The following RNF10 variants were observed in gnomAD, a reference collection of about 807,000 sequenced individuals.
The protein encoded by RNF10 is E3 ubiquitin-protein ligase RNF10.
In RNF10, 38 loss-of-function variants were observed where a neutral mutation model predicts 91.4. The observed-to-expected ratio is 0.42, with a 90% CI of 0.32 to 0.54. The LOEUF (loss-of-function observed/expected upper bound fraction) is 0.54, where lower values mean the gene tolerates loss of function less well. RNF10 is among the 20% of genes least tolerant of loss of function. The pLI is 0.16. For synonymous variants in RNF10, 364 were observed against 366.3 expected, an observed-to-expected ratio of 0.99 and a Z score of 0.07; for missense variants, 945 against 1,012.0, an observed-to-expected ratio of 0.93 and a Z score of 0.90.
At chr12:120,572,143 T>C (rs1484299381) in intron 14 of RNF10, among the ~76,000 whole-genome samples, 1 of 151,852 alleles carries the variant, frequency 6.6e-6, no homozygotes, top group Non-Finnish European at 1.5e-5. Flanking sequence ...CTTGGCTTGC[T>C]GTAAGCTCCG....
chr12:120,553,022 A>T (rs1873353677), intron 3 of RNF10, among the ~76,000 whole-genome samples: 1 of 134,628 alleles, frequency 7.4e-6, no homozygotes, highest in African/African-American at 2.8e-5. Context: ...CCTCTCCTTT[A>T]TAAGGAAGAG....
intron 2 of RNF10, among the ~76,000 whole-genome samples, chr12:120,551,288 GTGTTTTTTTT>G (rs1182092014): frequency 1.1e-5 from 1 of 87,444 alleles, no homozygotes; most frequent in Non-Finnish European, 2.3e-5. Flanking sequence ...GCCCATCCTA[GTGTTTTTTTT>G]TTTTTTTTTT....
rs578039922 is a variant in RNF10 at position 120,546,491 on chromosome 12, C to T, written c.244C>T (p.Arg82Cys). 52 of 1,614,048 alleles carry T rather than the reference C, an allele frequency of 3.2e-5. No homozygotes were observed. Among genetic ancestry groups the T allele is most frequent in the Admixed American group, 1.0e-4 (6 of 59,986 alleles). The change falls in exon 2 of 17, where the codon CGT becomes TGT. Residue 82 changes from arginine to cysteine, a missense_variant. By Grantham distance (180) the Arg-to-Cys change is radical. Coordinates refer to ENST00000325954, the MANE Select transcript of RNF10 (RefSeq NM_014868.5). Reference sequence around the variant, plus strand: ...AAATGAAAGTTTTAACAACCAGTCCCGTCGCTCCAGTTCACAGAAAAGCAA... The same window carrying T: ...AAATGAAAGTTTTAACAACCAGTCCTGTCGCTCCAGTTCACAGAAAAGCAA... ...PKNESFNNQS[R>C]RSSSQKSKTF...
intron 1 of RNF10, among the ~76,000 whole-genome samples, chr12:120,540,268 C>A (rs1871360711): frequency 6.6e-6 from 1 of 151,794 alleles, no homozygotes; most frequent in South Asian, 2.1e-4. Context: ...TGGCCTTTTT[C>A]TGATTCTTTA....
intron 6 of RNF10, among the ~76,000 whole-genome samples, chr12:120,558,225 A>G (rs888122003): frequency 3.3e-5 from 5 of 152,218 alleles, no homozygotes; most frequent in African/African-American, 1.2e-4. Flanking sequence ...CATTCATGAA[A>G]TTAATTCCAG....
intron 1 of RNF10, among the ~76,000 whole-genome samples, chr12:120,535,716 C>T (rs1271446806): frequency 1.3e-5 from 2 of 152,230 alleles, no homozygotes; most frequent in African/African-American, 2.4e-5. Flanking sequence ...ATAGGATTGT[C>T]CTTTAACAGG....
intron 6 of RNF10, among the ~76,000 whole-genome samples, chr12:120,560,146 TTTTTTTTG>T (rs1874627202): frequency 1.2e-5 from 1 of 85,324 alleles, no homozygotes; most frequent in Non-Finnish European, 2.3e-5. Context: ...CTGTGTGTGG[TTTTTTTTG>T]TTTTTTTTTT....
chr12:120,576,873 G>A lies in RNF10; in HGVS notation c.*207G>A. The A allele has an allele frequency of 3.5e-6, 2 of 568,764 alleles. No individual in the cohort carries two copies. Among genetic ancestry groups the A allele is most frequent in the Non-Finnish European group, 6.0e-6 (2 of 335,586 alleles). 35.2% of individuals were successfully genotyped at this position (568,764 alleles called of 1,614,324 possible). ...CTTCCTGTCTTTACACCAAAATAAAGTATTGACACAAGAGATCTCTTCCTG... is the reference window on the plus strand; with the variant it reads ...CTTCCTGTCTTTACACCAAAATAAAATATTGACACAAGAGATCTCTTCCTG... On this transcript the variant is annotated 3_prime_UTR_variant, in exon 17 of 17. Transcript: ENST00000325954.
intron 4 of RNF10, among the ~76,000 whole-genome samples, chr12:120,556,480 G>A (rs1357128174): frequency 5.5e-5 from 7 of 127,492 alleles, no homozygotes; most frequent in South Asian, 2.6e-4. Flanking sequence ...GCAGTGAGCC[G>A]AGATGGCGCC....
At chr12:120,575,424 T>A in intron 14 of RNF10, 1 of 589,852 alleles carries the variant, frequency 1.7e-6, no homozygotes, top group Non-Finnish European at 3.0e-6. Flanking sequence ...GCTTATGGTT[T>A]ACTACCTTGT....
chr12:120,548,387 C>T (rs951403735), intron 2 of RNF10, among the ~76,000 whole-genome samples: 1 of 152,026 alleles, frequency 6.6e-6, no homozygotes, highest in Non-Finnish European at 1.5e-5. Flanking sequence ...GGATAAGAAA[C>T]CAGCAGAAGA....
intron 12 of RNF10, 29 bp downstream of exon 12, chr12:120,565,558 A>G: frequency 6.3e-7 from 1 of 1,578,394 alleles, no homozygotes; most frequent in Non-Finnish European, 8.7e-7. Context: ...ATCTTTGACT[A>G]GCACTGCTGT....
Position 120,552,607 on chromosome 12 carries a change from G to T in RNF10, c.463G>T (p.Gly155Cys), listed in dbSNP as rs753972908. ...NFTFEPRGQT[G>C]HFEGSGHGSW... ...CACTTTTGAACCCCGTGGCCAGACG[G>T]GTCACTTTGAAGGCAGTGGACATGG... Residue 155 changes from glycine (G) to cysteine (C), a missense_variant, in exon 3 of 17, where the codon GGT becomes TGT. Coordinates refer to ENST00000325954, the MANE Select transcript of RNF10 (RefSeq NM_014868.5). The T allele has an allele frequency of 6.2e-7, 1 of 1,614,104 alleles. No homozygotes were observed.
chr12:120,563,406 C>A lies in RNF10; in HGVS notation c.1314C>A (p.Asp438Glu), dbSNP rs1174783698. ...AAACCACGGAAGTTTGTTCTCTGGACACTCCTTCTAGACCTCTTGCTCTCC... is the reference window on the plus strand; with the variant it reads ...AAACCACGGAAGTTTGTTCTCTGGAAACTCCTTCTAGACCTCTTGCTCTCC... ...DEETTEVCSL[D>E]TPSRPLALPL... The change falls in exon 9 of 17, where the codon GAC becomes GAA. Residue 438 changes from aspartate (D) to glutamate (E), a missense_variant. Coordinates refer to ENST00000325954, the MANE Select transcript of RNF10 (RefSeq NM_014868.5). 6.2e-7 allele frequency: 1 copy of A among 1,614,058 alleles called. No homozygotes were observed. The highest frequency in any genetic ancestry group is 2.2e-5 in the East Asian group (1 of 44,886).
intron 1 of RNF10, among the ~76,000 whole-genome samples, chr12:120,540,903 G>A (rs1453705248): frequency 1.3e-5 from 2 of 151,040 alleles, no homozygotes; most frequent in Non-Finnish European, 2.9e-5. Flanking sequence ...TGCCCAGGCT[G>A]GAGTGTAGTG....
chr12:120,564,473 A>C (rs547051159), intron 10 of RNF10, among the ~76,000 whole-genome samples: 121 of 152,266 alleles, frequency 7.9e-4, no homozygotes, highest in African/African-American at 2.8e-3. Context: ...ATACAAAAAA[A>C]AATTAGCTGG....
At chr12:120,567,883 A>ATG (rs1436107296) in intron 13 of RNF10, among the ~76,000 whole-genome samples, 1 of 150,636 alleles carries the variant, frequency 6.6e-6, no homozygotes, top group African/African-American at 2.5e-5. Context: ...GTGTGTGTGT[A>ATG]TGTATATATA....
At chr12:120,538,397 C>T (rs1351137858) in intron 1 of RNF10, among the ~76,000 whole-genome samples, 1 of 152,164 alleles carries the variant, frequency 6.6e-6, no homozygotes, top group East Asian at 1.9e-4. Context: ...CATTTGTACA[C>T]AGGAAATATG....
chr12:120,546,557 A>G lies in RNF10; in HGVS notation c.310A>G (p.Ser104Gly), dbSNP rs1182035683. Reference protein sequence around the residue: ...KMPPQRGGGSSKLFSSSFNGG... With the variant: ...KMPPQRGGGSGKLFSSSFNGG... Reference sequence around the variant, plus strand: ...GCCTCCTCAAAGGGGCGGCGGCAGCAGCAAACTCTTTAGCTCTTCTTTTAA... The same window carrying G: ...GCCTCCTCAAAGGGGCGGCGGCAGCGGCAAACTCTTTAGCTCTTCTTTTAA... The change falls in exon 2 of 17, where the codon AGC (serine) becomes GGC (glycine). Residue 104 changes from serine (S) to glycine (G), a missense_variant. Transcript: ENST00000325954. The G allele has an allele frequency of 6.2e-7, 1 of 1,614,046 alleles. No individual in the cohort carries two copies.
Sources: gnomAD v4.1 joint callset for allele counts (sites outside exome capture counted in the v4.1 genomes callset) on GRCh38, gnomAD v4.1.1 for gene constraint, MANE v1.5 for transcripts, NCBI Gene and HGNC (gene_info 2026-07-23, HGNC 2026-07-21) for gene names.